ADAP1: variants seen among roughly 807,000 people sequenced by gnomAD.
ADAP1 encodes the protein arf-GAP with dual PH domain-containing protein 1.
Under a neutral mutation model 54.9 loss-of-function variants are expected in ADAP1, and 31 were observed. That is an observed-to-expected ratio of 0.56 (90% confidence interval 0.42 to 0.76). ADAP1 has a LOEUF of 0.76. Among genes scored for constraint, ADAP1 ranks in the 30% least tolerant of loss-of-function variants. The pLI is 0.00. For synonymous variants in ADAP1, 313 were observed against 202.6 expected (o/e 1.55, Z -4.63); for missense variants, 535 against 512.4 (o/e 1.04, Z -0.42).
intron 1 of ADAP1, among the ~76,000 whole-genome samples, chr7:949,749 TC>T (rs1388536130): frequency 2.6e-5 from 4 of 152,124 alleles, no homozygotes; most frequent in South Asian, 4.1e-4. Context: ...CTCCAGCTCC[TC>T]CCAGCCCTGA....
chr7:935,672 C>A (rs76257679), intron 1 of ADAP1, among the ~76,000 whole-genome samples, 167 bp from the exon 2 acceptor site: 3 of 46,790 alleles, frequency 6.4e-5, no homozygotes, highest in Non-Finnish European at 9.3e-5. Context: ...AACCCCAGCT[C>A]CCCCCCCGCC....
At chr7:922,345 C>T (rs1441735131) in intron 3 of ADAP1, among the ~76,000 whole-genome samples, 1 of 152,170 alleles carries the variant, frequency 6.6e-6, no homozygotes, top group African/African-American at 2.4e-5. Context: ...CAGGTGGGTC[C>T]CCTCAACGCA....
rs1291666989 is a variant in ADAP1 at position 943,253 on chromosome 7, AGG to A, written c.83-7750_83-7749del. 3.6e-3 allele frequency among the ~76,000 whole-genome samples: 64 copies of A among 17,926 alleles called. No individual in the cohort carries two copies. In the East Asian group the frequency reaches 0.061, roughly 17 times the overall value. The allele number at this position is 17,926 out of a possible 152,430, so 11.8% of individuals were successfully genotyped here. On this transcript the variant is annotated intron_variant, in intron 1 of 10. Coordinates refer to ENST00000265846, the MANE Select transcript of ADAP1 (RefSeq NM_006869.4). ...AGGAGGAAGGGAGAGAGGAGGAGGA[AGG>A]GAGAGGAGGAGGAAGGGAGAGAGGA...
At chr7:921,008 T>C in intron 3 of ADAP1, 3 of 720,342 alleles carry the variant, frequency 4.2e-6, no homozygotes, top group Non-Finnish European at 6.8e-6. Flanking sequence ...CAGCTGGGTC[T>C]CTGGCCCCTG....
At chr7:944,057 A>G (rs1847078471) in intron 1 of ADAP1, among the ~76,000 whole-genome samples, 1 of 151,858 alleles carries the variant, frequency 6.6e-6, no homozygotes, top group African/African-American at 2.4e-5. Context: ...CTGGGACTAC[A>G]GGTGCGCACC....
rs571326700 is a variant in ADAP1, at chr7:935,900, A to T, written c.83-395T>A. ...GCCCTGGGAGAAGTCTGTGGGCCCG[A>T]ATCCTCCTGGGTGATGGGGCCAAGA... On this transcript the variant is annotated intron_variant, in intron 1 of 10. Coordinates refer to ENST00000265846, the MANE Select transcript of ADAP1 (RefSeq NM_006869.4). Among the ~76,000 whole-genome samples the T allele has an allele frequency of 1.7e-3, 263 of 152,284 alleles. 1 individual carries two copies. The highest frequency in any genetic ancestry group is 6.2e-3 in the African/African-American group (256 of 41,556).
chr7:906,064 GGAGAAAGGA>G (rs1845277961), intron 4 of ADAP1, among the ~76,000 whole-genome samples: 1 of 3,490 alleles, frequency 2.9e-4, no homozygotes, highest in African/African-American at 5.1e-3. Flanking sequence ...AAGGAGAAAG[GGAGAAAGGA>G]GAAAGGGAAA....
intron 4 of ADAP1, among the ~76,000 whole-genome samples, chr7:907,844 G>T (rs1845538027): frequency 6.6e-6 from 1 of 152,134 alleles, no homozygotes; most frequent in African/African-American, 2.4e-5. Context: ...TGGGATCACG[G>T]GGCCGTCTGC....
intron 5 of ADAP1, among the ~76,000 whole-genome samples, 184 bp downstream of exon 5, chr7:904,876 G>A (rs1016843155): frequency 3.3e-5 from 5 of 152,216 alleles, no homozygotes; most frequent in Admixed American, 2.0e-4. Context: ...CCCCACCCTG[G>A]GGGACGCTGG....
upstream of ADAP1, among the ~76,000 whole-genome samples, chr7:955,003 TG>T (rs1400478693): frequency 1.3e-5 from 2 of 152,106 alleles, no homozygotes; most frequent in Non-Finnish European, 2.9e-5. Flanking sequence ...ACCATGGGCA[TG>T]GGGGTGCTCG....
chr7:901,092 C>G (rs995480287), intron 6 of ADAP1: 11 of 464,978 alleles, frequency 2.4e-5, no homozygotes, highest in Admixed American at 2.4e-5. Context: ...GCTGTGGCCC[C>G]TACCGAGAGT....
Position 920,766 on chromosome 7 carries a change from C to T in ADAP1, c.306-716G>A, listed in dbSNP as rs765549604. Reference sequence around the variant, plus strand: ...CCCAGAGCCACCCACCACGGCCTCCCCATCCACCGTGACTCACTCGAGTGA... The same window carrying T: ...CCCAGAGCCACCCACCACGGCCTCCTCATCCACCGTGACTCACTCGAGTGA... On this transcript the variant is annotated intron_variant, in intron 3 of 10. Transcript: ENST00000265846. The surrounding 1 kb of genome is among the most constrained non-coding windows in gnomAD (Gnocchi z 4.5). The T allele has an allele frequency of 6.5e-7, 1 of 1,546,832 alleles. No homozygotes were observed. Among genetic ancestry groups the T allele is most frequent in the South Asian group, 1.2e-5 (1 of 83,910 alleles).
chr7:943,224 GA>G (rs1255269354), intron 1 of ADAP1, among the ~76,000 whole-genome samples: 1 of 52,914 alleles, frequency 1.9e-5, no homozygotes, highest in African/African-American at 9.3e-5. Context: ...GAGGAAGAGA[GA>G]GGAGGAGGAA....
In ADAP1 at chr7:917,659, T is replaced by A. The variant is rs1351032996; in HGVS notation, c.388+2309A>T. Among the ~76,000 whole-genome samples, 3 of 152,314 alleles carry A rather than the reference T, an allele frequency of 2.0e-5. No homozygotes were observed. The East Asian group carries it at 5.8e-4, about 29-fold the overall frequency. ...TTTGTATTTTTTACTAGAAACAGTT[T>A]TGCCACGTTGACCAGATTGGTCTCG... On this transcript the variant is annotated intron_variant, in intron 4 of 10. Transcript: ENST00000265846.
chr7:954,601 C>G lies in ADAP1; in HGVS notation c.-124G>C. On this transcript the variant is annotated 5_prime_UTR_variant, in exon 1 of 11. Coordinates refer to ENST00000265846, the MANE Select transcript of ADAP1 (RefSeq NM_006869.4). Reference sequence around the variant, plus strand: ...TGCGCCATCCCGGGCGGCCTCAGCCCGCGCGCCGGTTCCGCATTCCCGCCG... The same window carrying G: ...TGCGCCATCCCGGGCGGCCTCAGCCGGCGCGCCGGTTCCGCATTCCCGCCG... 1 of 983,438 alleles carries G rather than the reference C, an allele frequency of 1.0e-6. No individual in the cohort carries two copies. The highest frequency in any genetic ancestry group is 1.8e-5 in the African/African-American group (1 of 56,772). 60.9% of individuals were successfully genotyped at this position (983,438 alleles called of 1,614,324 possible).
Position 919,936 on chromosome 7 carries a change from C to T in ADAP1, c.388+32G>A, listed in dbSNP as rs528578661. ...AGGGAGAGAGCCAGGGAGAGGTAGC[C>T]GGGAGGCCCCACCCCACCCGGGTGG... is the stretch of plus-strand genomic sequence containing the variant. On this transcript the variant is annotated intron_variant, in intron 4 of 10. Transcript: ENST00000265846. 20 of 1,560,682 alleles carry T rather than the reference C, an allele frequency of 1.3e-5. No individual in the cohort carries two copies. The Admixed American group carries it at 2.5e-4, about 19-fold the overall frequency.
At chr7:932,260 C>T (rs1044084392) in intron 2 of ADAP1, among the ~76,000 whole-genome samples, 1 of 152,104 alleles carries the variant, frequency 6.6e-6, no homozygotes, top group Non-Finnish European at 1.5e-5. Context: ...GGTGGGCCCT[C>T]CCCAGCCTTC....
At chr7:909,808 C>T (rs1280417267) in intron 4 of ADAP1, among the ~76,000 whole-genome samples, 2 of 152,164 alleles carry the variant, frequency 1.3e-5, no homozygotes, top group African/African-American at 2.4e-5. Flanking sequence ...CCGCGTGCCG[C>T]GCCCTGCTGT....
chr7:900,682 G>C, intron 6 of ADAP1, 66 bp from the exon 7 acceptor site: 3 of 1,436,128 alleles, frequency 2.1e-6, no homozygotes, highest in Non-Finnish European at 2.9e-6. Context: ...CCACAGAGGG[G>C]CTGGGGTCCC....
Sources: gnomAD v4.1 joint callset for allele counts (sites outside exome capture counted in the v4.1 genomes callset) on GRCh38, gnomAD v4.1.1 for gene constraint, Gnocchi (gnomAD v3.1) non-coding constraint, MANE v1.5 for transcripts, NCBI Gene and HGNC (gene_info 2026-07-23, HGNC 2026-07-21) for gene names.